The following NFATC2 variants were observed in gnomAD, a reference collection of about 807,000 sequenced individuals.
NFATC2 encodes the protein nuclear factor of activated T cells 2.
In NFATC2, 22 loss-of-function variants were observed where a neutral mutation model predicts 87.3. That is an observed-to-expected ratio of 0.25 (90% CI 0.18 to 0.36). The LOEUF (loss-of-function observed/expected upper bound fraction) is 0.36, where lower values mean the gene tolerates loss of function less well. Among genes scored for constraint, NFATC2 ranks in the 10% least tolerant of loss-of-function variants. NFATC2 has a pLI of 1.00. For synonymous variants in NFATC2, 565 were observed against 542.2 expected (o/e 1.04, Z -0.58); for missense variants, 1,149 against 1,259.1 (o/e 0.91, Z 1.32).
In NFATC2 at chr20:51,391,232, G is replaced by C; in HGVS notation, c.*264C>G. On this transcript the variant is annotated 3_prime_UTR_variant, in exon 11 of 11. Transcript: ENST00000371564. The stretch of plus-strand genomic sequence containing the variant: ...AGAAGAGTTCTCTCTGGTGTTTAGA[G>C]GGAGGTGGCGAGCTCCTTAAGTGAG... 1.3e-6 allele frequency: 1 copy of C among 754,958 alleles called. No individual in the cohort carries two copies. Among genetic ancestry groups the C allele is most frequent in the Non-Finnish European group, 2.4e-6 (1 of 411,924 alleles). The allele number at this position is 754,958 out of a possible 1,614,324, so 46.8% of individuals were successfully genotyped here.
chr20:51,496,388 C>A (rs931699618), intron 3 of NFATC2, among the ~76,000 whole-genome samples: 4 of 152,032 alleles, frequency 2.6e-5, no homozygotes, highest in Non-Finnish European at 5.9e-5. Context: ...CCTCTGCACA[C>A]CCCTGAAGCC....
intron 1 of NFATC2, among the ~76,000 whole-genome samples, chr20:51,541,418 T>A (rs1297973206): frequency 6.6e-6 from 1 of 152,178 alleles, no homozygotes; most frequent in African/African-American, 2.4e-5. Context: ...AAATACACAG[T>A]GAGGTTGGGC....
intron 6 of NFATC2, among the ~76,000 whole-genome samples, chr20:51,447,557 A>ACCCCTTTCCCGCTGCCAC (rs1161081273): frequency 2.6e-5 from 4 of 152,196 alleles, no homozygotes; most frequent in African/African-American, 9.6e-5. Flanking sequence ...AGCCATGGCA[A>ACCCCTTTCCCGCTGCCAC]CCCCTTTCCC....
At chr20:51,485,690 G>T (rs182206221) in intron 3 of NFATC2, among the ~76,000 whole-genome samples, 2 of 152,220 alleles carry the variant, frequency 1.3e-5, no homozygotes, top group East Asian at 3.9e-4. Context: ...GTCATGGCGG[G>T]AAAGTTACTT....
rs912894271 is a variant in NFATC2, at chr20:51,430,004, T to A, written c.2722+2063A>T. Among the ~76,000 whole-genome samples, 3 of 152,022 alleles carry A rather than the reference T, an allele frequency of 2.0e-5. No homozygotes were observed. In the South Asian group the frequency reaches 6.2e-4, roughly 32 times the overall value. Reference sequence around the variant, plus strand: ...TCTCGGTGCTCAGCTGCTTTCTCTGTAACATAAGCTTCTTTGGAAACGGCA... The same window carrying A: ...TCTCGGTGCTCAGCTGCTTTCTCTGAAACATAAGCTTCTTTGGAAACGGCA... On this transcript the variant is annotated intron_variant, in intron 9 of 10. Coordinates refer to ENST00000371564, the MANE Select transcript of NFATC2 (RefSeq NM_012340.5).
intron 3 of NFATC2, among the ~76,000 whole-genome samples, chr20:51,500,354 G>C (rs2076057504): frequency 6.6e-6 from 1 of 152,068 alleles, no homozygotes; most frequent in African/African-American, 2.4e-5. Flanking sequence ...GTCCCTGAAT[G>C]AATCAACCCT....
At chr20:51,457,634 C>CAGTGAGAGTCTAATCCAACTGCCTGG (rs34060437) in intron 5 of NFATC2, among the ~76,000 whole-genome samples, 1 of 151,186 alleles carries the variant, frequency 6.6e-6, no homozygotes, top group Non-Finnish European at 1.5e-5. Context: ...AAAGAGAAAA[C>CAGTGAGAGTCTAATCCAACTGCCTGG]ACGCCTTTAG....
At chr20:51,435,979 T>C (rs9917444) in intron 6 of NFATC2, among the ~76,000 whole-genome samples, 3,772 of 152,276 alleles carry the variant, frequency 0.025, 152 homozygotes, top group African/African-American at 0.085. Context: ...CAAGGCAACA[T>C]TGTCCTAAGC....
chr20:51,457,886 CT>C (rs11325400), intron 5 of NFATC2, among the ~76,000 whole-genome samples: 95,861 of 132,790 alleles, frequency 0.72, 34,801 homozygotes, highest in Non-Finnish European at 0.8. Context: ...CCTCCTCGTC[CT>C]TTTTTTTTTT....
At chr20:51,500,198 T>C (rs2076055141) in intron 3 of NFATC2, among the ~76,000 whole-genome samples, 1 of 152,136 alleles carries the variant, frequency 6.6e-6, no homozygotes, top group Non-Finnish European at 1.5e-5. Context: ...AGTAAAATGG[T>C]AGCTGAAACC....
At chr20:51,402,074 G>A (rs932848451) in intron 9 of NFATC2, among the ~76,000 whole-genome samples, 5 of 152,196 alleles carry the variant, frequency 3.3e-5, no homozygotes, top group Non-Finnish European at 7.3e-5. Context: ...CAAGTCAGAT[G>A]TCCCCTCCTA....
intron 9 of NFATC2, among the ~76,000 whole-genome samples, chr20:51,413,631 G>A (rs189620697): frequency 6.6e-6 from 1 of 152,202 alleles, no homozygotes; most frequent in East Asian, 1.9e-4. Flanking sequence ...GGTGGCACAC[G>A]CCTATAGTCC....
chr20:51,536,054 C>A (rs1231891188), intron 1 of NFATC2, among the ~76,000 whole-genome samples: 1 of 152,216 alleles, frequency 6.6e-6, no homozygotes, highest in Non-Finnish European at 1.5e-5. Flanking sequence ...AGGAGGCAGG[C>A]AGGACCATCC....
intron 3 of NFATC2, among the ~76,000 whole-genome samples, chr20:51,483,433 G>T (rs773749585): frequency 1.3e-4 from 20 of 152,174 alleles, no homozygotes; most frequent in Non-Finnish European, 2.1e-4. Context: ...AGCCCAGGGT[G>T]GGGGAGAAGG....
Position 51,413,174 on chromosome 20 carries a change from C to G in NFATC2, c.2723-14444G>C, listed in dbSNP as rs751845484. The stretch of plus-strand genomic sequence containing the variant: ...GGAGGTGAGAAATCGATTTTCTCAC[C>G]GGCCCAGTGGCCAGCACATTTTTGA... On this transcript the variant is annotated intron_variant, in intron 9 of 10. Coordinates refer to ENST00000371564, the MANE Select transcript of NFATC2 (RefSeq NM_012340.5). Among the ~76,000 whole-genome samples, 4 of 151,856 alleles carry G rather than the reference C, an allele frequency of 2.6e-5. 1 individual carries two copies.
intron 5 of NFATC2, among the ~76,000 whole-genome samples, chr20:51,464,700 A>C (rs2146473677): frequency 6.6e-6 from 1 of 152,314 alleles, no homozygotes; most frequent in East Asian, 1.9e-4. Context: ...GCAGGTGCCC[A>C]CAGCCCCCTG....
At chr20:51,422,071 C>T (rs796925037) in intron 9 of NFATC2, among the ~76,000 whole-genome samples, 25 of 152,302 alleles carry the variant, frequency 1.6e-4, no homozygotes, top group African/African-American at 4.6e-4. Context: ...AAATTAACAA[C>T]GAGGGAGTGT....
At chr20:51,435,139 G>T (rs952326443) in intron 8 of NFATC2, 49 bp downstream of exon 8, 9 of 1,607,944 alleles carry the variant, frequency 5.6e-6, no homozygotes, top group Middle Eastern at 1.7e-4. Context: ...TGAGCCCTGT[G>T]CCTGTACTGC....
At chr20:51,549,173 C>A (rs1031897599) in intron 1 of NFATC2, among the ~76,000 whole-genome samples, 56 of 151,994 alleles carry the variant, frequency 3.7e-4, no homozygotes, top group African/African-American at 1.3e-3. Flanking sequence ...GTCTCCAAAA[C>A]AAGGAGTGAG....
Sources: gnomAD v4.1 joint callset for allele counts (sites outside exome capture counted in the v4.1 genomes callset) on GRCh38, gnomAD v4.1.1 for gene constraint, MANE v1.5 for transcripts, NCBI Gene and HGNC (gene_info 2026-07-23, HGNC 2026-07-21) for gene names.